CLASP1: variants seen among roughly 807,000 people sequenced by gnomAD.
CLASP1 encodes cytoplasmic linker associated protein 1.
CLASP1 carries 38 observed loss-of-function variants against 192.3 expected under a neutral mutation model. The observed-to-expected ratio is 0.20, with a 90% CI of 0.15 to 0.26. CLASP1 has a LOEUF of 0.26. Ranked by LOEUF, CLASP1 falls within the 10% of genes least tolerant of loss-of-function variation. The pLI is 1.00. For missense variants in CLASP1, 1,433 were observed against 1,932.5 expected, an observed-to-expected ratio of 0.74 and a Z score of 4.85; for synonymous variants, 691 against 712.8, an observed-to-expected ratio of 0.97 and a Z score of 0.49.
At chr2:121,504,181 G>T (rs192184194) in intron 7 of CLASP1, among the ~76,000 whole-genome samples, 1 of 151,170 alleles carries the variant, frequency 6.6e-6, no homozygotes, top group African/African-American at 2.4e-5. Flanking sequence ...GCAATGAGCC[G>T]AGACCGTGCC....
chr2:121,522,207 A>C (rs1290371603), intron 6 of CLASP1, among the ~76,000 whole-genome samples: 3 of 152,244 alleles, frequency 2.0e-5, no homozygotes, highest in African/African-American at 7.2e-5. Context: ...GATTATTTTC[A>C]GAGTGCTCAA....
At position 121,600,243 on chromosome 2, in the gene CLASP1, T is replaced by C. The variant is rs201040779; in HGVS notation, c.195+5458A>G. On this transcript the variant is annotated intron_variant, in intron 2 of 39. Transcript: ENST00000263710. ...ATACTCTGGGCTCCAGATGTGAACATGCAGGCTGCCACTACACTTAGAGAA... is the reference window on the plus strand; with the variant it reads ...ATACTCTGGGCTCCAGATGTGAACACGCAGGCTGCCACTACACTTAGAGAA... Among the ~76,000 whole-genome samples the C allele has an allele frequency of 2.0e-4, 31 of 152,336 alleles. No homozygotes were observed. In the East Asian group the frequency reaches 5.4e-3, roughly 27 times the overall value.
intron 2 of CLASP1, among the ~76,000 whole-genome samples, chr2:121,562,201 C>G (rs1362272748): frequency 1.3e-5 from 2 of 152,204 alleles, no homozygotes; most frequent in African/African-American, 2.4e-5. Context: ...TCCTTGACTC[C>G]TCTGAGCAAA....
chr2:121,409,664 T>A (rs564610800), intron 24 of CLASP1, among the ~76,000 whole-genome samples: 1 of 152,276 alleles, frequency 6.6e-6, no homozygotes, highest in African/African-American at 2.4e-5. Flanking sequence ...TTCACATCCA[T>A]CATTTCCCAC....
intron 2 of CLASP1, among the ~76,000 whole-genome samples, chr2:121,533,307 C>T (rs1358434544): frequency 2.0e-5 from 3 of 152,168 alleles, no homozygotes; most frequent in Admixed American, 6.5e-5. Flanking sequence ...AGGCCCTTCT[C>T]CTGGGTTTCC....
At chr2:121,520,266 C>A (rs2094428263) in intron 6 of CLASP1, among the ~76,000 whole-genome samples, 1 of 152,110 alleles carries the variant, frequency 6.6e-6, no homozygotes, top group South Asian at 2.1e-4. Flanking sequence ...AGGCTTCCTG[C>A]AAAGCAAAAA....
chr2:121,454,389 G>T (rs1350033632), intron 14 of CLASP1, among the ~76,000 whole-genome samples: 1 of 152,116 alleles, frequency 6.6e-6, no homozygotes, highest in Admixed American at 6.5e-5. Context: ...AGGCCAGGAC[G>T]AGAGTCCTCA....
At chr2:121,568,546 C>T (rs760617707) in intron 2 of CLASP1, among the ~76,000 whole-genome samples, 4 of 151,184 alleles carry the variant, frequency 2.6e-5, no homozygotes, top group African/African-American at 9.7e-5. Context: ...ACGCTCACAA[C>T]TGAAAGAAGG....
chr2:121,410,327 A>G (rs1452629854), intron 24 of CLASP1, among the ~76,000 whole-genome samples: 1 of 152,224 alleles, frequency 6.6e-6, no homozygotes, highest in African/African-American at 2.4e-5. Context: ...ATATTACACT[A>G]TAATGATGCA....
chr2:121,372,547 A>G (rs1362792098), intron 34 of CLASP1, among the ~76,000 whole-genome samples: 1 of 152,240 alleles, frequency 6.6e-6, no homozygotes, highest in Non-Finnish European at 1.5e-5. Flanking sequence ...TGTATTCAAA[A>G]GAGAATTCGT....
At chr2:121,540,632 C>CA (rs2095210964) in intron 2 of CLASP1, among the ~76,000 whole-genome samples, 1 of 151,756 alleles carries the variant, frequency 6.6e-6, no homozygotes, top group South Asian at 2.1e-4. Flanking sequence ...ACTAAAAATA[C>CA]AAAAAATTAG....
chr2:121,561,886 G>T (rs1422373933), intron 2 of CLASP1, among the ~76,000 whole-genome samples: 1 of 152,182 alleles, frequency 6.6e-6, no homozygotes, highest in African/African-American at 2.4e-5. Context: ...ATCTACAAGG[G>T]TTATTACATG....
At position 121,384,240 on chromosome 2, in the gene CLASP1, G is replaced by A. The variant is rs182294079; in HGVS notation, c.3375-1916C>T. 4.9e-3 allele frequency among the ~76,000 whole-genome samples: 742 copies of A among 151,824 alleles called. 8 individuals carry two copies. The highest frequency in any genetic ancestry group is 0.017 in the African/African-American group (719 of 41,338). On this transcript the variant is annotated intron_variant, in intron 32 of 39. Coordinates refer to ENST00000263710, the Ensembl canonical transcript of CLASP1. ...GTCTCATTCTGTTGTCCAGGCTAGA[G>A]TGCAGTGGCATAATGATGGCTCACT...
chr2:121,401,768 A>G lies in CLASP1; in HGVS notation c.2737-96T>C, dbSNP rs940204030. ...AAAAATGCCCATACGTGCTTTGCCCAGACTCTTGTAACTTAGGTTAACACT... is the reference window on the plus strand; with the variant it reads ...AAAAATGCCCATACGTGCTTTGCCCGGACTCTTGTAACTTAGGTTAACACT... On this transcript the variant is annotated intron_variant, in intron 27 of 39. Coordinates refer to ENST00000263710, the Ensembl canonical transcript of CLASP1. The G allele has an allele frequency of 8.7e-6, 9 of 1,039,728 alleles. No individual in the cohort carries two copies. The Admixed American group carries it at 1.2e-4, about 14-fold the overall frequency. 64.4% of individuals were successfully genotyped at this position (1,039,728 alleles called of 1,614,324 possible).
intron 37 of CLASP1, among the ~76,000 whole-genome samples, chr2:121,349,967 T>C (rs949351004): frequency 6.6e-6 from 1 of 152,162 alleles, no homozygotes; most frequent in Admixed American, 6.5e-5. Context: ...GTCACAGAGA[T>C]AAATGGTGAG....
intron 2 of CLASP1, among the ~76,000 whole-genome samples, chr2:121,595,888 A>G (rs1373293616): frequency 6.6e-6 from 1 of 152,248 alleles, no homozygotes; most frequent in Admixed American, 6.5e-5. Flanking sequence ...CACATGCTAC[A>G]TATTAAAAGC....
At chr2:121,528,842 T>C (rs2094656100) in intron 3 of CLASP1, 62 bp from the exon 4 acceptor site, 2 of 1,235,136 alleles carry the variant, frequency 1.6e-6, no homozygotes, top group Admixed American at 3.4e-5. Context: ...GGTCACCAAG[T>C]ATTCCTATCT....
chr2:121,477,909 G>C (rs763516045), intron 8 of CLASP1, among the ~76,000 whole-genome samples: 63 of 152,292 alleles, frequency 4.1e-4, no homozygotes, highest in Middle Eastern at 6.8e-3. Flanking sequence ...TTGTCACTTT[G>C]GTCTTAAAGC....
chr2:121,509,857 A>T (rs923699909), intron 7 of CLASP1, among the ~76,000 whole-genome samples: 1 of 152,052 alleles, frequency 6.6e-6, no homozygotes, highest in Non-Finnish European at 1.5e-5. Context: ...TTTTTAATTT[A>T]AAAAAAAGAT....
Sources: allele counts gnomAD v4.1 joint callset (sites outside exome capture counted in the v4.1 genomes callset), GRCh38; gene constraint gnomAD v4.1.1; transcripts MANE v1.5; gene names NCBI Gene and HGNC (gene_info 2026-07-23, HGNC 2026-07-21).